The following ZNF800 variants were observed in gnomAD, a reference collection of about 807,000 sequenced individuals.
ZNF800 encodes zinc finger protein 800.
Under a neutral mutation model 59.5 loss-of-function variants are expected in ZNF800, and 13 were observed. That is an observed-to-expected ratio of 0.22 (90% confidence interval 0.14 to 0.35). The LOEUF (loss-of-function observed/expected upper bound fraction) is 0.35. Ranked by LOEUF, ZNF800 falls within the 10% of genes least tolerant of loss-of-function variation. The pLI is 1.00. For synonymous variants in ZNF800, 266 were observed against 265.7 expected, an observed-to-expected ratio of 1.00 and a Z score of -0.01; for missense variants, 621 against 783.7, an observed-to-expected ratio of 0.79 and a Z score of 2.48.
chr7:127,379,859 C>CCACA (rs1414582836), intron 3 of ZNF800, among the ~76,000 whole-genome samples: 2 of 79,018 alleles, frequency 2.5e-5, no homozygotes, highest in Non-Finnish European at 5.1e-5. Context: ...CCCACCCCCC[C>CCACA]CACACACACA....
intron 1 of ZNF800, among the ~76,000 whole-genome samples, chr7:127,351,862 C>T (rs899336481): frequency 1.3e-5 from 2 of 152,184 alleles, no homozygotes; most frequent in Non-Finnish European, 2.9e-5. Flanking sequence ...ATGGCTACAA[C>T]TGACATCATA....
intron 5 of ZNF800, chr7:127,372,813 G>A (rs150005373): frequency 1.8e-4 from 178 of 985,216 alleles, no homozygotes; most frequent in Middle Eastern, 5.2e-4. Context: ...AATTCAATTC[G>A]GGGATTTTTT....
chr7:127,360,932 C>T (rs1003434255), intron 1 of ZNF800: 3 of 152,230 alleles, frequency 2.0e-5, no homozygotes, highest in Non-Finnish European at 2.9e-5. Flanking sequence ...TTGCAGGTCA[C>T]TTAACCAACA....
At chr7:127,384,676 T>C (rs1304070815) in intron 3 of ZNF800, among the ~76,000 whole-genome samples, 1 of 152,122 alleles carries the variant, frequency 6.6e-6, no homozygotes, top group Non-Finnish European at 1.5e-5. Context: ...ATTTCCATGG[T>C]ATGAGAAAGA....
chr7:127,343,216 G>T (rs1799999515), downstream of ZNF800, among the ~76,000 whole-genome samples: 1 of 151,274 alleles, frequency 6.6e-6, no homozygotes, highest in South Asian at 2.1e-4. Context: ...AATAAGGAAG[G>T]AATTAAAGAT....
At chr7:127,386,777 C>T (rs1801147892) in intron 2 of ZNF800, among the ~76,000 whole-genome samples, 1 of 152,182 alleles carries the variant, frequency 6.6e-6, no homozygotes, top group Non-Finnish European at 1.5e-5. Flanking sequence ...GTCCATAGGA[C>T]AGACTTTTTC....
intron 4 of ZNF800, among the ~76,000 whole-genome samples, chr7:127,375,931 G>GT (rs1427843534): frequency 6.6e-6 from 1 of 151,850 alleles, no homozygotes; most frequent in Non-Finnish European, 1.5e-5. Context: ...TTTCACAAAA[G>GT]TATTTCTAGA....
In ZNF800 at chr7:127,392,208, G is replaced by A. The variant is rs912689076; in HGVS notation, c.-207C>T. 2.5e-6 allele frequency: 1 copy of A among 394,670 alleles called. No individual in the cohort carries two copies. Among genetic ancestry groups the A allele is most frequent in the African/African-American group, 2.1e-5 (1 of 48,400 alleles). The allele number at this position is 394,670 out of a possible 1,614,324, so 24.4% of individuals were successfully genotyped here. On this transcript the variant is annotated 5_prime_UTR_variant, in exon 1 of 6. Transcript: ENST00000265827. Reference sequence around the variant, plus strand: ...GGGGGAACCCGGACTCGGGCCCGACGCGCTCCCAAAGAGTCCCCGCCGGCG... The same window carrying A: ...GGGGGAACCCGGACTCGGGCCCGACACGCTCCCAAAGAGTCCCCGCCGGCG...
At chr7:127,363,560 T>C (rs576870768) in intron 1 of ZNF800, 4 of 151,358 alleles carry the variant, frequency 2.6e-5, no homozygotes, top group Non-Finnish European at 3.0e-5. Context: ...AGAGAAGAGA[T>C]AGAAATAGAT....
downstream of ZNF800, among the ~76,000 whole-genome samples, chr7:127,345,297 C>G (rs1409856939): frequency 7.5e-6 from 1 of 133,504 alleles, no homozygotes; most frequent in South Asian, 2.2e-4. Context: ...GGAAATAGAC[C>G]CCCCCCCCAA....
chr7:127,359,950 G>A (rs1800363754), intron 1 of ZNF800: 2 of 151,322 alleles, frequency 1.3e-5, no homozygotes, highest in Non-Finnish European at 2.9e-5. Flanking sequence ...TTAAAATGTA[G>A]ATGGTTATTA....
chr7:127,361,892 A>T (rs997207615), intron 1 of ZNF800: 1 of 151,882 alleles, frequency 6.6e-6, no homozygotes, highest in Non-Finnish European at 1.5e-5. Context: ...CATTCAACAG[A>T]GTTTCATTAT....
intron 2 of ZNF800, among the ~76,000 whole-genome samples, chr7:127,389,064 G>T (rs933489856): frequency 1.3e-5 from 2 of 151,992 alleles, no homozygotes; most frequent in African/African-American, 4.8e-5. Flanking sequence ...ATATAACATT[G>T]ACTTTTGTAA....
intron 1 of ZNF800, chr7:127,350,152 A>G (rs1014443777): frequency 1.3e-5 from 2 of 152,208 alleles, no homozygotes; most frequent in African/African-American, 4.8e-5. Flanking sequence ...AGAGCAACCT[A>G]CTGCCTCCAC....
At chr7:127,373,271 A>G in intron 5 of ZNF800, 71 bp downstream of exon 5, 1 of 1,521,060 alleles carries the variant, frequency 6.6e-7, no homozygotes, top group South Asian at 1.4e-5. Flanking sequence ...CCAGCTATAA[A>G]TTATGGTCAA....
chr7:127,375,093 T>C, intron 4 of ZNF800, 59 bp from the exon 5 acceptor site: 2 of 1,353,594 alleles, frequency 1.5e-6, no homozygotes, highest in Non-Finnish European at 2.0e-6. Flanking sequence ...AGCCCTCTAA[T>C]ATTTTAAGAT....
downstream of ZNF800, among the ~76,000 whole-genome samples, chr7:127,344,836 A>G (rs1001787966): frequency 2.3e-4 from 35 of 152,294 alleles, no homozygotes; most frequent in African/African-American, 7.0e-4. Context: ...CCTATATCAA[A>G]AATAAATTCC....
At chr7:127,361,889 CAG>C (rs569580514) in intron 1 of ZNF800, 130 of 152,228 alleles carry the variant, frequency 8.5e-4, no homozygotes, top group African/African-American at 3.1e-3. Flanking sequence ...TCTCATTCAA[CAG>C]AGTTTCATTA....
At chr7:127,352,842 C>T (rs1218868293) in intron 1 of ZNF800, among the ~76,000 whole-genome samples, 1 of 152,160 alleles carries the variant, frequency 6.6e-6, no homozygotes, top group Non-Finnish European at 1.5e-5. Flanking sequence ...GGCAGGGAGG[C>T]CAGCCTGCCC....
Sources: allele counts gnomAD v4.1 joint callset (sites outside exome capture counted in the v4.1 genomes callset), GRCh38; gene constraint gnomAD v4.1.1; transcripts MANE v1.5; gene names NCBI Gene and HGNC (gene_info 2026-07-23, HGNC 2026-07-21).